SGK1: variants seen among roughly 807,000 people sequenced by gnomAD.
The protein encoded by SGK1 is serum/glucocorticoid regulated kinase 1, also known as serine/threonine-protein kinase Sgk1.
SGK1 carries 26 observed loss-of-function variants against 64.2 expected under a neutral mutation model. That is an observed-to-expected ratio of 0.40 (90% CI 0.30 to 0.56). The LOEUF (loss-of-function observed/expected upper bound fraction) is 0.56, where lower values mean the gene tolerates loss of function less well. Among genes scored for constraint, SGK1 ranks in the 20% least tolerant of loss-of-function variants. The pLI is 0.38. For missense variants in SGK1, 519 were observed against 645.6 expected, an observed-to-expected ratio of 0.80 and a Z score of 2.12; for synonymous variants, 265 against 239.7, an observed-to-expected ratio of 1.11 and a Z score of -0.98.
At chr6:134,210,546 C>T (rs1775871351) in intron 2 of SGK1, among the ~76,000 whole-genome samples, 1 of 152,076 alleles carries the variant, frequency 6.6e-6, no homozygotes, top group Admixed American at 6.6e-5. Flanking sequence ...ATTGTTAAGG[C>T]CAGGTGCAGT....
intron 1 of SGK1, chr6:134,298,170 T>G (rs2114788153): frequency 2.2e-6 from 3 of 1,360,572 alleles, no homozygotes; most frequent in Non-Finnish European, 1.0e-6. Context: ...GTAAGCTTAT[T>G]GATCTCATCC....
At chr6:134,223,175 CCTGA>C (rs1047888923) in intron 2 of SGK1, among the ~76,000 whole-genome samples, 3 of 151,542 alleles carry the variant, frequency 2.0e-5, no homozygotes, top group Non-Finnish European at 2.9e-5. Context: ...TCGAGACCAG[CCTGA>C]CTAACATGGA....
At position 134,261,620 on chromosome 6, in the gene SGK1, C is replaced by T. The variant is rs1224024574; in HGVS notation, c.285+313G>A. 5.2e-6 allele frequency: 3 copies of T among 575,858 alleles called. No homozygotes were observed. The East Asian group carries it at 8.3e-5, about 16-fold the overall frequency. 35.7% of individuals were successfully genotyped at this position (575,858 alleles called of 1,614,324 possible). A position where few individuals can be genotyped will look rare whatever the true frequency, so the allele number is the denominator to read the frequency against. Reference sequence around the variant, plus strand: ...TAGAATGTATAACACCAAGAGTGAACTCTAACATAAAACTCTGCTAGGGAA... The same window carrying T: ...TAGAATGTATAACACCAAGAGTGAATTCTAACATAAAACTCTGCTAGGGAA... On this transcript the variant is annotated intron_variant, in intron 2 of 13. Coordinates refer to ENST00000367858, the MANE Select transcript of SGK1 (RefSeq NM_001143676.3).
intron 1 of SGK1, among the ~76,000 whole-genome samples, chr6:134,285,743 G>T (rs58536223): frequency 6.6e-6 from 1 of 150,478 alleles, no homozygotes; most frequent in Non-Finnish European, 1.5e-5. Context: ...TTCAGTTTTC[G>T]TTTCCTTGTA....
At chr6:134,216,051 A>T (rs934701031) in intron 2 of SGK1, among the ~76,000 whole-genome samples, 1 of 152,238 alleles carries the variant, frequency 6.6e-6, no homozygotes, top group African/African-American at 2.4e-5. Flanking sequence ...CAACAAAATA[A>T]ATATATTCAC....
At chr6:134,199,793 A>G (rs941271595) in intron 3 of SGK1, among the ~76,000 whole-genome samples, 1 of 152,148 alleles carries the variant, frequency 6.6e-6, no homozygotes, top group Non-Finnish European at 1.5e-5. Context: ...AGAAATCTAG[A>G]CATTTAAAAA....
chr6:134,206,930 G>T (rs2114684733), intron 3 of SGK1, among the ~76,000 whole-genome samples: 1 of 146,512 alleles, frequency 6.8e-6, no homozygotes, highest in South Asian at 2.2e-4. Flanking sequence ...GGTTAGGTAA[G>T]AATAAATAAA....
At chr6:134,309,999 A>G (rs1267216927) in intron 1 of SGK1, among the ~76,000 whole-genome samples, 2 of 152,098 alleles carry the variant, frequency 1.3e-5, no homozygotes, top group Non-Finnish European at 2.9e-5. Flanking sequence ...TATTGATCCA[A>G]TTCCCATTAC....
chr6:134,210,879 C>A (rs1328594940), intron 2 of SGK1, among the ~76,000 whole-genome samples: 1 of 149,376 alleles, frequency 6.7e-6, no homozygotes, highest in Non-Finnish European at 1.5e-5. Context: ...TAATCCCACA[C>A]TTTGGGAGAC....
chr6:134,314,801 T>C (rs1777654664), intron 1 of SGK1, among the ~76,000 whole-genome samples: 1 of 152,004 alleles, frequency 6.6e-6, no homozygotes, highest in African/African-American at 2.4e-5. Context: ...GGTTTTTTTT[T>C]TTTTTTTTCC....
At chr6:134,296,865 AC>A (rs1374205021) in intron 1 of SGK1, 2 of 201,356 alleles carry the variant, frequency 9.9e-6, no homozygotes, top group Non-Finnish European at 2.0e-5. Context: ...ACTTCCCCGC[AC>A]GTGGGCTGAG....
intron 2 of SGK1, among the ~76,000 whole-genome samples, chr6:134,219,878 T>C (rs1292219063): frequency 7.5e-6 from 1 of 133,944 alleles, no homozygotes; most frequent in African/African-American, 2.8e-5. Context: ...GCTAAAACGG[T>C]GAAACCCCGT....
chr6:134,184,725 G>A (rs527369786), intron 3 of SGK1, among the ~76,000 whole-genome samples: 2 of 152,116 alleles, frequency 1.3e-5, no homozygotes, highest in African/African-American at 2.4e-5. Flanking sequence ...GTTCTGTCCC[G>A]CAGTCTGGAG....
At chr6:134,195,721 G>C (rs759139074) in intron 3 of SGK1, among the ~76,000 whole-genome samples, 3 of 152,128 alleles carry the variant, frequency 2.0e-5, no homozygotes, top group Non-Finnish European at 4.4e-5. Flanking sequence ...TAAATGACTA[G>C]GCAACTAAGG....
chr6:134,245,801 G>C (rs1397281047), intron 2 of SGK1, among the ~76,000 whole-genome samples: 1 of 152,144 alleles, frequency 6.6e-6, no homozygotes, highest in Middle Eastern at 3.2e-3. Flanking sequence ...GACCAGCCCA[G>C]GCAACATAGT....
At chr6:134,177,922 C>T in intron 3 of SGK1, 1 of 1,260,434 alleles carries the variant, frequency 7.9e-7, no homozygotes, top group African/African-American at 1.5e-5. Flanking sequence ...CAAAGTTCAA[C>T]ACTGGGCCAT....
intron 3 of SGK1, among the ~76,000 whole-genome samples, chr6:134,179,381 G>C (rs1305744160): frequency 6.6e-6 from 1 of 151,702 alleles, no homozygotes; most frequent in African/African-American, 2.4e-5. Flanking sequence ...CCTCAAAAAA[G>C]CTCATAGAAA....
At chr6:134,293,623 G>A (rs9389154) in intron 1 of SGK1, among the ~76,000 whole-genome samples, 17,795 of 152,092 alleles carry the variant, frequency 0.12, 1,562 homozygotes, top group East Asian at 0.49. Context: ...AAGCAGACTT[G>A]GAATCCACAT....
chr6:134,178,172 C>T (rs1321501609), intron 3 of SGK1, among the ~76,000 whole-genome samples: 3 of 152,134 alleles, frequency 2.0e-5, no homozygotes, highest in Non-Finnish European at 2.9e-5. Flanking sequence ...TAGATGCAAC[C>T]GTATGATTTG....
Sources: gnomAD v4.1 joint callset for allele counts (sites outside exome capture counted in the v4.1 genomes callset) on GRCh38, gnomAD v4.1.1 for gene constraint, MANE v1.5 for transcripts, NCBI Gene and HGNC (gene_info 2026-07-23, HGNC 2026-07-21) for gene names.